The following ATP6V1H variants were observed in gnomAD, a reference collection of about 807,000 sequenced individuals.
The protein encoded by ATP6V1H is ATPase H+ transporting V1 subunit H.
A neutral mutation model predicts 71.7 loss-of-function variants in ATP6V1H; 39 were observed. That is an observed-to-expected ratio of 0.54 (90% CI 0.42 to 0.71). The LOEUF is 0.71. Ranked by LOEUF, ATP6V1H falls within the 30% of genes least tolerant of loss-of-function variation. The pLI is 0.00. For synonymous variants in ATP6V1H, 192 were observed against 199.3 expected (o/e 0.96, Z 0.31); for missense variants, 509 against 594.9 (o/e 0.86, Z 1.50).
chr8:53,733,045 G>T (rs897637643), intron 13 of ATP6V1H, among the ~76,000 whole-genome samples: 1 of 152,216 alleles, frequency 6.6e-6, no homozygotes, highest in East Asian at 1.9e-4. Flanking sequence ...GTGCCTTTGT[G>T]TATCAACCCT....
At chr8:53,801,286 T>C (rs1370060751) in intron 8 of ATP6V1H, among the ~76,000 whole-genome samples, 2 of 152,198 alleles carry the variant, frequency 1.3e-5, no homozygotes, top group African/African-American at 4.8e-5. Flanking sequence ...CAGTTAGATC[T>C]CTCATGAACA....
chr8:53,810,047 C>T (rs1013279187), intron 7 of ATP6V1H, among the ~76,000 whole-genome samples: 4 of 152,152 alleles, frequency 2.6e-5, no homozygotes, highest in African/African-American at 9.7e-5. Context: ...AACATACATA[C>T]CCGTGACATT....
chr8:53,784,838 C>T (rs374465318), intron 9 of ATP6V1H, among the ~76,000 whole-genome samples: 36 of 152,222 alleles, frequency 2.4e-4, no homozygotes, highest in South Asian at 6.2e-4. Context: ...TTGAAAATTC[C>T]TTTCTTTAAG....
rs182114466 is a variant in ATP6V1H at position 53,799,812 on chromosome 8, T to C, written c.677+1987A>G. Among the ~76,000 whole-genome samples the C allele has an allele frequency of 3.9e-5, 6 of 152,296 alleles. No individual in the cohort carries two copies. The East Asian group carries it at 1.2e-3, about 29-fold the overall frequency. On this transcript the variant is annotated intron_variant, in intron 8 of 13. Transcript: ENST00000359530. ...TCCTGAGAAAGACCCCTGTCCCCTC[T>C]GCCATCTGAGTTTACAGTGAAAAGA... is the stretch of plus-strand genomic sequence containing the variant.
At position 53,818,589 on chromosome 8, in the gene ATP6V1H, T is replaced by C. The variant is rs183579454; in HGVS notation, c.307-1059A>G. 2.2e-3 allele frequency among the ~76,000 whole-genome samples: 329 copies of C among 152,324 alleles called. 1 individual carries two copies. Among genetic ancestry groups the C allele is most frequent in the African/African-American group, 7.5e-3 (313 of 41,580 alleles). On this transcript the variant is annotated intron_variant, in intron 4 of 13. Coordinates refer to ENST00000359530, the MANE Select transcript of ATP6V1H (RefSeq NM_015941.4). ...AATCCAAAATTCAGATGAGCCATCA[T>C]TGCTTCATTGGTAGAGGTATCCAGG...
At chr8:53,768,477 C>T (rs1282161959) in intron 11 of ATP6V1H, among the ~76,000 whole-genome samples, 1 of 152,128 alleles carries the variant, frequency 6.6e-6, no homozygotes, top group African/African-American at 2.4e-5. Context: ...CACACAACAA[C>T]TCATACCACA....
chr8:53,776,689 G>A (rs914104261), intron 9 of ATP6V1H, among the ~76,000 whole-genome samples: 2 of 152,110 alleles, frequency 1.3e-5, no homozygotes, highest in Non-Finnish European at 2.9e-5. Flanking sequence ...TGAAGAAACA[G>A]GAAAATGTGA....
At chr8:53,729,531 C>T (rs1425184169) in intron 13 of ATP6V1H, among the ~76,000 whole-genome samples, 1 of 152,146 alleles carries the variant, frequency 6.6e-6, no homozygotes, top group African/African-American at 2.4e-5. Context: ...CAGGAAGTAG[C>T]CCACCCTGAG....
At position 53,810,815 on chromosome 8, in the gene ATP6V1H, C is replaced by T. The variant is rs931411311; in HGVS notation, c.579+349G>A. Among the ~76,000 whole-genome samples, 3 of 152,112 alleles carry T rather than the reference C, an allele frequency of 2.0e-5. No individual in the cohort carries two copies. The East Asian group carries it at 5.8e-4, about 29-fold the overall frequency. ...CGCTTTTGTTCACCTTTTGATTAGA[C>T]AGATATTAGACAGTTTAATCAGATA... On this transcript the variant is annotated intron_variant, in intron 7 of 13. Coordinates refer to ENST00000359530, the MANE Select transcript of ATP6V1H (RefSeq NM_015941.4).
chr8:53,821,372 CAAA>C (rs576615850), intron 4 of ATP6V1H, among the ~76,000 whole-genome samples: 8 of 98,040 alleles, frequency 8.2e-5, no homozygotes, highest in African/African-American at 1.4e-4. Context: ...GACTCCATCT[CAAA>C]AAAAAAAAAA....
chr8:53,803,091 C>T (rs1809966912), intron 7 of ATP6V1H, among the ~76,000 whole-genome samples: 1 of 152,176 alleles, frequency 6.6e-6, no homozygotes, highest in Non-Finnish European at 1.5e-5. Context: ...GATCCCAGCA[C>T]TTTGGGAGGC....
At chr8:53,766,616 A>G (rs902617698) in intron 11 of ATP6V1H, among the ~76,000 whole-genome samples, 2 of 152,192 alleles carry the variant, frequency 1.3e-5, no homozygotes, top group Non-Finnish European at 1.5e-5. Context: ...TCTTTTTCTC[A>G]GCATGGGATA....
intron 10 of ATP6V1H, among the ~76,000 whole-genome samples, chr8:53,771,606 G>T (rs1057402617): frequency 6.6e-6 from 1 of 152,056 alleles, no homozygotes; most frequent in African/African-American, 2.4e-5. Flanking sequence ...GAGCCAAAAG[G>T]CCTTCAAAAA....
chr8:53,754,292 A>C (rs1020407592), intron 12 of ATP6V1H, among the ~76,000 whole-genome samples: 2 of 152,208 alleles, frequency 1.3e-5, no homozygotes, highest in Non-Finnish European at 2.9e-5. Context: ...TTTCTACACC[A>C]TCTTGCCTTC....
rs76460504 is a variant in ATP6V1H at position 53,762,714 on chromosome 8, T to C, written c.1176-6058A>G. Among the ~76,000 whole-genome samples, 769 of 152,008 alleles carry C rather than the reference T, an allele frequency of 5.1e-3. 2 individuals carry two copies. The highest frequency in any genetic ancestry group is 8.8e-3 in the Non-Finnish European group (600 of 67,942). On this transcript the variant is annotated intron_variant, in intron 11 of 13. Coordinates refer to ENST00000359530, the MANE Select transcript of ATP6V1H (RefSeq NM_015941.4). ...GGGCAACTGGGCAAAAAAAAAGAAA[T>C]AAAAGGCACTCAGATTGAAAAAGTG... is the stretch of plus-strand genomic sequence containing the variant.
At chr8:53,831,615 G>T (rs1811008504) in intron 3 of ATP6V1H, among the ~76,000 whole-genome samples, 1 of 152,252 alleles carries the variant, frequency 6.6e-6, no homozygotes, top group Admixed American at 6.5e-5. Flanking sequence ...CCCAGAGGGG[G>T]TGCTGGAGCA....
chr8:53,761,320 G>C (rs2130276186), intron 11 of ATP6V1H, among the ~76,000 whole-genome samples: 1 of 150,534 alleles, frequency 6.6e-6, no homozygotes, highest in South Asian at 2.1e-4. Flanking sequence ...CTGGGCAACA[G>C]AGCGAGACTC....
chr8:53,787,233 G>A (rs1388129554), intron 9 of ATP6V1H, among the ~76,000 whole-genome samples: 1 of 152,176 alleles, frequency 6.6e-6, no homozygotes, highest in Non-Finnish European at 1.5e-5. Context: ...TCCAAACCTA[G>A]TATCTACTAA....
chr8:53,822,459 A>G (rs1810693774), intron 4 of ATP6V1H, among the ~76,000 whole-genome samples: 1 of 152,206 alleles, frequency 6.6e-6, no homozygotes, highest in Non-Finnish European at 1.5e-5. Flanking sequence ...ATTAAAAATG[A>G]CAAGTGAAAT....
Sources: allele counts gnomAD v4.1 joint callset (sites outside exome capture counted in the v4.1 genomes callset), GRCh38; gene constraint gnomAD v4.1.1; transcripts MANE v1.5; gene names NCBI Gene and HGNC (gene_info 2026-07-23, HGNC 2026-07-21).